Variants in CPQ observed in about 807,000 individuals in gnomAD.
CPQ encodes Ser-Met dipeptidase.
CPQ carries 37 observed loss-of-function variants against 45.7 expected under a neutral mutation model. The observed-to-expected ratio is 0.81, with a 90% CI of 0.62 to 1.07. The LOEUF (loss-of-function observed/expected upper bound fraction) is 1.07, where lower values mean the gene tolerates loss of function less well. Among genes scored for constraint, CPQ ranks in the 50% least tolerant of loss-of-function variants. The pLI is 0.00. For missense variants in CPQ, 537 were observed against 572.9 expected, an observed-to-expected ratio of 0.94 and a Z score of 0.64; for synonymous variants, 186 against 205.8, an observed-to-expected ratio of 0.90 and a Z score of 0.82.
chr8:96,654,765 T>C (rs995452066), intron 1 of CPQ, among the ~76,000 whole-genome samples: 3 of 152,248 alleles, frequency 2.0e-5, no homozygotes, highest in Non-Finnish European at 4.4e-5. Flanking sequence ...AAAAGACTGG[T>C]AGCTGATGTT....
chr8:96,734,960 C>CTCTCTCTCTT (rs1046700402), intron 1 of CPQ, among the ~76,000 whole-genome samples: 2 of 151,620 alleles, frequency 1.3e-5, no homozygotes, highest in African/African-American at 2.4e-5. Context: ...TGTTTGCATG[C>CTCTCTCTCTT]TCTCTCTCTT....
chr8:96,812,689 C>T (rs1278161611), intron 2 of CPQ, among the ~76,000 whole-genome samples: 2 of 151,940 alleles, frequency 1.3e-5, no homozygotes, highest in East Asian at 1.9e-4. Flanking sequence ...AGGGCCTTCA[C>T]GATCTTTCTT....
At chr8:96,880,133 G>A in intron 4 of CPQ, 128 bp downstream of exon 4, 1 of 729,650 alleles carries the variant, frequency 1.4e-6, no homozygotes, top group Non-Finnish European at 2.3e-6. Context: ...GAAGGCAGAA[G>A]CTTTATATAT....
At chr8:97,113,802 T>C (rs897883478) in intron 7 of CPQ, among the ~76,000 whole-genome samples, 2 of 152,188 alleles carry the variant, frequency 1.3e-5, no homozygotes, top group African/African-American at 4.8e-5. Flanking sequence ...CTGCTAAAGG[T>C]ACAGAAAAAT....
At chr8:97,017,780 A>C (rs1809608609) in intron 5 of CPQ, among the ~76,000 whole-genome samples, 1 of 151,826 alleles carries the variant, frequency 6.6e-6, no homozygotes, top group Non-Finnish European at 1.5e-5. Context: ...CCCTGCCCCC[A>C]CCTGGTGGTC....
intron 1 of CPQ, among the ~76,000 whole-genome samples, chr8:96,719,158 C>G (rs1461800997): frequency 2.6e-5 from 4 of 152,202 alleles, no homozygotes; most frequent in Admixed American, 2.0e-4. Flanking sequence ...TGGGGAGGCT[C>G]AGGCCACACA....
At position 97,095,252 on chromosome 8, in the gene CPQ, C is replaced by T. The variant is rs554985207; in HGVS notation, c.1255+29042C>T. ...CTGTAGGTATTTAAATTCAACATGT[C>T]TGAAGCCAAACTTCTATCTCACCCT... On this transcript the variant is annotated intron_variant, in intron 7 of 7. Coordinates refer to ENST00000220763, the MANE Select transcript of CPQ (RefSeq NM_016134.4). 2.3e-4 allele frequency among the ~76,000 whole-genome samples: 35 copies of T among 152,236 alleles called. No individual in the cohort carries two copies. The South Asian group carries it at 5.8e-3, about 25-fold the overall frequency.
intron 1 of CPQ, among the ~76,000 whole-genome samples, chr8:96,733,185 A>T (rs1357372978): frequency 6.6e-6 from 1 of 152,188 alleles, no homozygotes. Flanking sequence ...TCTATTTCAA[A>T]TCTATTTTAA....
At chr8:97,099,214 T>C (rs578148476) in intron 7 of CPQ, among the ~76,000 whole-genome samples, 11 of 132,334 alleles carry the variant, frequency 8.3e-5, no homozygotes, top group Non-Finnish European at 1.5e-5. Context: ...CACTGCAACA[T>C]CCACCTCCCA....
intron 7 of CPQ, among the ~76,000 whole-genome samples, chr8:97,114,790 T>C (rs780357600): frequency 6.6e-6 from 1 of 152,190 alleles, no homozygotes; most frequent in Non-Finnish European, 1.5e-5. Context: ...GCATTTTCCT[T>C]TCTCTGGTTA....
intron 7 of CPQ, among the ~76,000 whole-genome samples, chr8:97,071,271 A>G (rs1280963312): frequency 1.3e-5 from 2 of 152,204 alleles, no homozygotes; most frequent in African/African-American, 4.8e-5. Flanking sequence ...TTAATCAACT[A>G]TTGTATGGTA....
At chr8:96,736,911 A>C (rs976043787) in intron 1 of CPQ, among the ~76,000 whole-genome samples, 2 of 152,026 alleles carry the variant, frequency 1.3e-5, no homozygotes, top group African/African-American at 4.8e-5. Flanking sequence ...GAATTTAGTA[A>C]ATTTCTCTTA....
intron 7 of CPQ, among the ~76,000 whole-genome samples, chr8:97,090,866 A>G (rs1326381302): frequency 2.6e-5 from 4 of 152,126 alleles, no homozygotes; most frequent in African/African-American, 9.7e-5. Context: ...TGTTTTACCC[A>G]CCTCATCCTC....
intron 1 of CPQ, among the ~76,000 whole-genome samples, chr8:96,678,393 G>T (rs1256225507): frequency 1.3e-5 from 2 of 151,736 alleles, no homozygotes. Flanking sequence ...TTACCTCTTT[G>T]GTTGATATAC....
At chr8:96,826,334 T>A (rs1316206313) in intron 2 of CPQ, among the ~76,000 whole-genome samples, 1 of 152,052 alleles carries the variant, frequency 6.6e-6, no homozygotes. Context: ...CAGTCAGCCA[T>A]AGATTGTGAA....
intron 2 of CPQ, among the ~76,000 whole-genome samples, chr8:96,815,930 C>T (rs944153411): frequency 1.3e-5 from 2 of 152,120 alleles, no homozygotes; most frequent in African/African-American, 4.8e-5. Flanking sequence ...TCATCTGTGC[C>T]TTCAGCAAGT....
At chr8:96,678,606 A>G (rs563108841) in intron 1 of CPQ, among the ~76,000 whole-genome samples, 1 of 152,168 alleles carries the variant, frequency 6.6e-6, no homozygotes, top group South Asian at 2.1e-4. Context: ...GAAAATAGCC[A>G]TTCCAACTAG....
In CPQ at chr8:96,685,363, T is replaced by G. The variant is rs1809212455; in HGVS notation, c.-35+39961T>G. On this transcript the variant is annotated intron_variant, in intron 1 of 7. Transcript: ENST00000220763. ...TTTTTTAATGGTACTTTAAGGGTTC[T>G]TATGTTTAAATCTTTAATCTGTCTC... Among the ~76,000 whole-genome samples the G allele has an allele frequency of 2.6e-5, 4 of 152,254 alleles. No homozygotes were observed. The South Asian group carries it at 8.3e-4, about 32-fold the overall frequency.
chr8:97,025,829 GA>G (rs1416854873), intron 5 of CPQ, among the ~76,000 whole-genome samples: 35 of 152,272 alleles, frequency 2.3e-4, no homozygotes, highest in African/African-American at 7.9e-4. Context: ...TCTATCATTT[GA>G]AAATGATAAA....
Sources: gnomAD v4.1 joint callset for allele counts (sites outside exome capture counted in the v4.1 genomes callset) on GRCh38, gnomAD v4.1.1 for gene constraint, MANE v1.5 for transcripts, NCBI Gene and HGNC (gene_info 2026-07-23, HGNC 2026-07-21) for gene names.